AMZ1: variants seen among roughly 807,000 people sequenced by gnomAD.
The protein encoded by AMZ1 is archaelysin family metallopeptidase 1, also known as archaemetzincin-1.
In AMZ1, 39 loss-of-function variants were observed where a neutral mutation model predicts 29.9. That is an observed-to-expected ratio of 1.30 (90% CI 1.01 to 1.70). AMZ1 has a LOEUF of 1.70. Among genes scored for constraint, AMZ1 ranks in the 40% most tolerant of loss-of-function variants. The probability of loss-of-function intolerance (pLI) is 0.00; values close to 1 mark genes in which losing one functional copy is unlikely to be tolerated. For synonymous variants in AMZ1, 458 were observed against 304.0 expected, an observed-to-expected ratio of 1.51 and a Z score of -5.27; for missense variants, 1,041 against 680.6, an observed-to-expected ratio of 1.53 and a Z score of -5.89.
intron 1 of AMZ1, among the ~76,000 whole-genome samples, chr7:2,699,562 A>G (rs1019655782): frequency 1.0e-4 from 15 of 149,802 alleles, no homozygotes; most frequent in Non-Finnish European, 2.1e-4. Context: ...TGCTGGGCGC[A>G]CAGGGACCTG....
In AMZ1 at chr7:2,714,721, G is replaced by C. The variant is rs1373523063; in HGVS notation, c.*1843G>C. The C allele has an allele frequency of 1.3e-5, 2 of 152,196 alleles. No homozygotes were observed. Among genetic ancestry groups the C allele is most frequent in the Non-Finnish European group, 2.9e-5 (2 of 68,044 alleles). The allele number at this position is 152,196 out of a possible 1,614,324, so 9.4% of individuals were successfully genotyped here. ...CCCCTGTGGCTCGACTGGAGTGTTC[G>C]TTCACACGGCTGCCAAGTGGAATTT... On this transcript the variant is annotated 3_prime_UTR_variant, in exon 7 of 7. Coordinates refer to ENST00000683327, the MANE Select transcript of AMZ1 (RefSeq NM_001384743.1).
rs190366133 is a variant in AMZ1 at position 2,716,685 on chromosome 7, G to A, written c.*3807G>A. 1.5e-4 allele frequency among the ~76,000 whole-genome samples: 23 copies of A among 152,326 alleles called. No homozygotes were observed. The East Asian group carries it at 3.7e-3, about 24-fold the overall frequency. Reference sequence around the variant, plus strand: ...CACCAGGCAGGGACGGCCAGGCCTCGGAGAGAGGGACCGGCTGCCCTGCCC... The same window carrying A: ...CACCAGGCAGGGACGGCCAGGCCTCAGAGAGAGGGACCGGCTGCCCTGCCC... On this transcript the variant is annotated 3_prime_UTR_variant, in exon 7 of 7. Transcript: ENST00000683327.
chr7:2,733,511 AG>A, intron 4 of AMZ1: 2 of 1,611,562 alleles, frequency 1.2e-6, no homozygotes, highest in Non-Finnish European at 1.7e-6. Context: ...CCTGTCAGGA[AG>A]GAAGAATATT....
intron 4 of AMZ1, among the ~76,000 whole-genome samples, chr7:2,757,025 G>A (rs1791330856): frequency 6.6e-6 from 1 of 151,812 alleles, no homozygotes; most frequent in African/African-American, 2.4e-5. Flanking sequence ...AGTGAACCGT[G>A]ATTGTGCCAG....
rs150434864 is a variant in AMZ1 at position 2,693,983 on chromosome 7, C to T, written c.-219+5687C>T. Among the ~76,000 whole-genome samples the T allele has an allele frequency of 4.9e-3, 751 of 152,332 alleles. 22 individuals are homozygous for T. Among genetic ancestry groups the T allele is most frequent in the Admixed American group, 0.041 (623 of 15,292 alleles). ...ATGGGGCCAGGGACCTCTGTTTTGTCCACTCATGTTGGAAAACCCCCAGCA... is the reference window on the plus strand; with the variant it reads ...ATGGGGCCAGGGACCTCTGTTTTGTTCACTCATGTTGGAAAACCCCCAGCA... On this transcript the variant is annotated intron_variant, in intron 1 of 6. Transcript: ENST00000683327.
At chr7:2,706,364 G>A (rs912325913) in intron 3 of AMZ1, among the ~76,000 whole-genome samples, 10 of 152,188 alleles carry the variant, frequency 6.6e-5, no homozygotes, top group Non-Finnish European at 1.2e-4. Flanking sequence ...ATGGGGTCCT[G>A]CCATCTTGCC....
intron 1 of AMZ1, among the ~76,000 whole-genome samples, chr7:2,688,691 G>C (rs1320737244): frequency 6.6e-6 from 1 of 152,206 alleles, no homozygotes; most frequent in South Asian, 2.1e-4. Context: ...GGGCGAGCCA[G>C]GTGGGTGCGG....
chr7:2,712,193 T>A lies in AMZ1; in HGVS notation c.949-137T>A, dbSNP rs980670329. The A allele has an allele frequency of 3.0e-5, 28 of 936,254 alleles. No individual in the cohort carries two copies. The African/African-American group carries it at 4.6e-4, about 15-fold the overall frequency. 58.0% of individuals were successfully genotyped at this position (936,254 alleles called of 1,614,324 possible). ...CAAAGGGTGCTGGTCACAAGAGCCCTCACACCACCAGCCTGACTCCCGCCC... is the reference window on the plus strand; with the variant it reads ...CAAAGGGTGCTGGTCACAAGAGCCCACACACCACCAGCCTGACTCCCGCCC... On this transcript the variant is annotated intron_variant, in intron 6 of 6. Coordinates refer to ENST00000683327, the MANE Select transcript of AMZ1 (RefSeq NM_001384743.1).
At position 2,713,002 on chromosome 7, in the gene AMZ1, C is replaced by T. The variant is rs1038469535; in HGVS notation, c.*124C>T. 9.2e-7 allele frequency: 1 copy of T among 1,091,516 alleles called. No homozygotes were observed. Among genetic ancestry groups the T allele is most frequent in the Non-Finnish European group, 1.2e-6 (1 of 819,616 alleles). 67.6% of individuals were successfully genotyped at this position (1,091,516 alleles called of 1,614,324 possible). On this transcript the variant is annotated 3_prime_UTR_variant, in exon 7 of 7. Transcript: ENST00000683327. ...GGTCTGCCTGGGTGGTGGCTCAGGC[C>T]TGTCATCCCATCACTTTGAGAGGCC...
chr7:2,713,934 C>T lies in AMZ1; in HGVS notation c.*1056C>T, dbSNP rs1788965277. Reference sequence around the variant, plus strand: ...CTTTCCTTTTTTTTTCGGTCTAGTTCTGTCAGTTGCTGAGAGAGGGGTATT... The same window carrying T: ...CTTTCCTTTTTTTTTCGGTCTAGTTTTGTCAGTTGCTGAGAGAGGGGTATT... On this transcript the variant is annotated 3_prime_UTR_variant, in exon 7 of 7. Transcript: ENST00000683327. 6.6e-6 allele frequency: 1 copy of T among 151,982 alleles called. No individual in the cohort carries two copies. The highest frequency in any genetic ancestry group is 2.1e-4 in the South Asian group (1 of 4,830). The allele number at this position is 151,982 out of a possible 1,614,324, so 9.4% of individuals were successfully genotyped here. A position where few individuals can be genotyped will look rare whatever the true frequency, so the allele number is the denominator to read the frequency against.
At chr7:2,738,937 G>A (rs979352617) in intron 4 of AMZ1, among the ~76,000 whole-genome samples, 2 of 152,030 alleles carry the variant, frequency 1.3e-5, no homozygotes, top group African/African-American at 2.4e-5. Context: ...CCTCGTGGCT[G>A]TGCCTGTGGA....
intron 4 of AMZ1, among the ~76,000 whole-genome samples, chr7:2,737,055 G>A (rs549410383): frequency 3.1e-4 from 47 of 152,240 alleles, no homozygotes; most frequent in African/African-American, 1.0e-3. Flanking sequence ...AGACTGACAG[G>A]GTGTGCATTA....
chr7:2,742,698 T>C (rs1374693283), intron 4 of AMZ1, among the ~76,000 whole-genome samples: 1 of 152,244 alleles, frequency 6.6e-6, no homozygotes, highest in East Asian at 1.9e-4. Context: ...ATGAGGCCTT[T>C]AATTCCTCTT....
At chr7:2,710,295 C>T (rs183106893) in intron 6 of AMZ1, among the ~76,000 whole-genome samples, 15 of 152,306 alleles carry the variant, frequency 9.8e-5, no homozygotes, top group East Asian at 5.8e-4. Context: ...GTGGGGTTGC[C>T]GAGCAAAGGG....
At chr7:2,686,871 C>T (rs540186025), upstream of AMZ1, among the ~76,000 whole-genome samples, 30 of 152,140 alleles carry the variant, frequency 2.0e-4, no homozygotes, top group South Asian at 4.4e-3. Context: ...CCAGCCACCA[C>T]GCCCAGCTAA....
At chr7:2,684,871 GCT>G (rs1491469070), upstream of AMZ1, among the ~76,000 whole-genome samples, 1 of 141,522 alleles carries the variant, frequency 7.1e-6, no homozygotes, top group African/African-American at 2.9e-5. Context: ...ACACATAATT[GCT>G]TTTTTTTTTT....
chr7:2,711,792 C>T (rs1788796149), intron 6 of AMZ1, among the ~76,000 whole-genome samples: 1 of 151,962 alleles, frequency 6.6e-6, no homozygotes, highest in South Asian at 2.1e-4. Context: ...ACCTGTAATC[C>T]CAGCACTTTG....
At chr7:2,756,603 T>A (rs1319765563) in intron 4 of AMZ1, among the ~76,000 whole-genome samples, 1 of 130,726 alleles carries the variant, frequency 7.6e-6, no homozygotes, top group Non-Finnish European at 1.7e-5. Flanking sequence ...TGAGACCCTG[T>A]CTCAAACAAA....
Position 2,719,195 on chromosome 7 carries a change from C to A in AMZ1, c.*6317C>A, listed in dbSNP as rs1789307179. On this transcript the variant is annotated 3_prime_UTR_variant, in exon 7 of 7. Transcript: ENST00000683327. The stretch of plus-strand genomic sequence containing the variant: ...TGCCAACCCAACTCCTCCGACAGAA[C>A]GGCAGGTGGCCCCTGTCGGAAGGGG... Among the ~76,000 whole-genome samples, 1 of 152,178 alleles carries A rather than the reference C, an allele frequency of 6.6e-6. No homozygotes were observed. The highest frequency in any genetic ancestry group is 2.4e-5 in the African/African-American group (1 of 41,432).
Sources: allele counts gnomAD v4.1 joint callset (sites outside exome capture counted in the v4.1 genomes callset), GRCh38; gene constraint gnomAD v4.1.1; transcripts MANE v1.5; gene names NCBI Gene and HGNC (gene_info 2026-07-23, HGNC 2026-07-21).